CAMK1D: variants seen among roughly 807,000 people sequenced by gnomAD.
The protein encoded by CAMK1D is calcium/calmodulin-dependent protein kinase type 1D.
A neutral mutation model predicts 47.7 loss-of-function variants in CAMK1D; 9 were observed. That is an observed-to-expected ratio of 0.19 (90% CI 0.11 to 0.33). The LOEUF is 0.33. CAMK1D is among the 10% of genes least tolerant of loss of function. CAMK1D has a pLI of 1.00. For missense variants in CAMK1D, 291 were observed against 488.7 expected (o/e 0.60, Z 3.81); for synonymous variants, 184 against 184.9 (o/e 0.99, Z 0.04).
At chr10:12,398,553 T>A (rs11257769) in intron 1 of CAMK1D, among the ~76,000 whole-genome samples, 1 of 152,284 alleles carries the variant, frequency 6.6e-6, no homozygotes, top group East Asian at 1.9e-4. Context: ...TTCACCATGT[T>A]GGCCAGGCTG....
intron 1 of CAMK1D, among the ~76,000 whole-genome samples, chr10:12,476,063 G>T (rs1389963458): frequency 1.3e-5 from 2 of 152,074 alleles, no homozygotes; most frequent in African/African-American, 2.4e-5. Flanking sequence ...GAGGCCGAGG[G>T]GGGGCGGATC....
chr10:12,804,937 CAAAAAAAAAAAA>C (rs145584740), intron 6 of CAMK1D, among the ~76,000 whole-genome samples: 1 of 51,056 alleles, frequency 2.0e-5, no homozygotes, highest in Non-Finnish European at 3.2e-5. Flanking sequence ...GACCCTGTCT[CAAAAAAAAAAAA>C]AAAAAAAAAA....
chr10:12,715,484 A>C (rs553000665), intron 3 of CAMK1D, among the ~76,000 whole-genome samples: 1 of 152,368 alleles, frequency 6.6e-6, no homozygotes, highest in South Asian at 2.1e-4. Context: ...CTGTAGATGG[A>C]TACAGCCATT....
rs754883769 is a variant in CAMK1D at position 12,769,660 on chromosome 10, A to G, written c.439-13A>G. 1.2e-5 allele frequency: 20 copies of G among 1,612,298 alleles called. No individual in the cohort carries two copies. In the Admixed American group the frequency reaches 1.7e-4, roughly 14 times the overall value. On this transcript the variant is annotated splice_polypyrimidine_tract_variant and intron_variant, in intron 4 of 10. Coordinates refer to ENST00000619168, the MANE Select transcript of CAMK1D (RefSeq NM_153498.4). Reference sequence around the variant, plus strand: ...ACGTAGTTTGTAATGTTTTTTTCTTATTTTCTTTCTAGCCCGAAAATCTCT... The same window carrying G: ...ACGTAGTTTGTAATGTTTTTTTCTTGTTTTCTTTCTAGCCCGAAAATCTCT...
chr10:12,687,924 A>C (rs995082714), intron 3 of CAMK1D, among the ~76,000 whole-genome samples: 3 of 152,204 alleles, frequency 2.0e-5, no homozygotes, highest in African/African-American at 7.2e-5. Context: ...GCCCAAGAAC[A>C]GCATGTTTCA....
At chr10:12,491,983 C>T (rs1834397952) in intron 1 of CAMK1D, among the ~76,000 whole-genome samples, 1 of 152,156 alleles carries the variant, frequency 6.6e-6, no homozygotes, top group Non-Finnish European at 1.5e-5. Flanking sequence ...TGGGGTTTCA[C>T]CATGTTGGCC....
At chr10:12,759,314 A>G (rs972630477) in intron 3 of CAMK1D, among the ~76,000 whole-genome samples, 3 of 152,206 alleles carry the variant, frequency 2.0e-5, no homozygotes, top group Non-Finnish European at 4.4e-5. Flanking sequence ...TGATCATGCC[A>G]CTGCATTCCA....
chr10:12,674,682 T>A (rs1424463763), intron 3 of CAMK1D, among the ~76,000 whole-genome samples: 1 of 139,118 alleles, frequency 7.2e-6, no homozygotes, highest in Non-Finnish European at 1.5e-5. Context: ...TAGGGAGAAG[T>A]GATAGATGGA....
intron 2 of CAMK1D, among the ~76,000 whole-genome samples, chr10:12,615,572 T>TGC (rs1838762963): frequency 5.2e-5 from 1 of 19,316 alleles, no homozygotes; most frequent in African/African-American, 8.3e-5. Flanking sequence ...ATATCGTGTG[T>TGC]GTGCGTGTGT....
intron 1 of CAMK1D, among the ~76,000 whole-genome samples, chr10:12,391,515 C>CG (rs200465665): frequency 6.8e-6 from 1 of 147,774 alleles, no homozygotes; most frequent in Non-Finnish European, 1.5e-5. Context: ...TCATGCTGAC[C>CG]GTTTTTTTTA....
At position 12,714,431 on chromosome 10, in the gene CAMK1D, T is replaced by C. The variant is rs927990180; in HGVS notation, c.300-46517T>C. Among the ~76,000 whole-genome samples the C allele has an allele frequency of 1.2e-4, 18 of 152,018 alleles. No individual in the cohort carries two copies. The South Asian group carries it at 3.5e-3, about 30-fold the overall frequency. On this transcript the variant is annotated intron_variant, in intron 3 of 10. Coordinates refer to ENST00000619168, the MANE Select transcript of CAMK1D (RefSeq NM_153498.4). ...GTATATTTATATATTTATAAATAGG[T>C]GCATTAAGGCCAGGTGCGGTGGCTC...
At chr10:12,798,196 A>G (rs72773660) in intron 6 of CAMK1D, among the ~76,000 whole-genome samples, 7,324 of 152,276 alleles carry the variant, frequency 0.048, 200 homozygotes, top group Non-Finnish European at 0.06. Flanking sequence ...TCTTATTTTC[A>G]TCTTAACCCC....
intron 2 of CAMK1D, among the ~76,000 whole-genome samples, chr10:12,604,603 A>G (rs991870169): frequency 6.6e-6 from 1 of 152,118 alleles, no homozygotes; most frequent in South Asian, 2.1e-4. Context: ...CATTCCCAAG[A>G]ATAGTATTAA....
intron 8 of CAMK1D, among the ~76,000 whole-genome samples, chr10:12,823,312 C>G (rs1833080759): frequency 2.0e-5 from 3 of 152,152 alleles, no homozygotes; most frequent in African/African-American, 7.2e-5. Context: ...CTGCAAGATT[C>G]ATGAAACTCT....
At position 12,513,673 on chromosome 10, in the gene CAMK1D, C is replaced by T. The variant is rs1007836601; in HGVS notation, c.93-39552C>T. On this transcript the variant is annotated intron_variant, in intron 1 of 10. Transcript: ENST00000619168. ...AAAATGAGCCAGGTGTGGTGGCATGCATCTGTAGCCCCAGCTACTCGGGAG... is the reference window on the plus strand; with the variant it reads ...AAAATGAGCCAGGTGTGGTGGCATGTATCTGTAGCCCCAGCTACTCGGGAG... 3.9e-5 allele frequency among the ~76,000 whole-genome samples: 6 copies of T among 152,180 alleles called. No homozygotes were observed. In the South Asian group the frequency reaches 1.2e-3, roughly 32 times the overall value.
Position 12,817,517 on chromosome 10 carries a change from G to A in CAMK1D, c.833+1189G>A, listed in dbSNP as rs546416484. Among the ~76,000 whole-genome samples the A allele has an allele frequency of 1.6e-4, 25 of 152,252 alleles. No homozygotes were observed. The South Asian group carries it at 1.7e-3, about 10-fold the overall frequency. ...ACCAGCTTCACTATCAGCTAGCTGCGATGCTAGGTTTACACTTGACTTTTG... is the reference window on the plus strand; with the variant it reads ...ACCAGCTTCACTATCAGCTAGCTGCAATGCTAGGTTTACACTTGACTTTTG... On this transcript the variant is annotated intron_variant, in intron 8 of 10. Transcript: ENST00000619168.
intron 3 of CAMK1D, among the ~76,000 whole-genome samples, chr10:12,690,104 A>G (rs1002277823): frequency 6.6e-6 from 1 of 151,962 alleles, no homozygotes; most frequent in Non-Finnish European, 1.5e-5. Flanking sequence ...TTTCTCTTCC[A>G]TCTCCGTGTG....
At chr10:12,563,690 AGAGAGAGAGG>A (rs796928580) in intron 2 of CAMK1D, among the ~76,000 whole-genome samples, 4,299 of 71,898 alleles carry the variant, frequency 0.06, 183 homozygotes, top group African/African-American at 0.14. Context: ...AGAGAGAGAG[AGAGAGAGAGG>A]GAGAGAGAGG....
intron 2 of CAMK1D, among the ~76,000 whole-genome samples, chr10:12,644,449 A>C (rs1236173546): frequency 1.3e-5 from 2 of 152,186 alleles, no homozygotes; most frequent in African/African-American, 4.8e-5. Context: ...CATCAAAATT[A>C]ATCTTTCCTT....
Sources: allele counts gnomAD v4.1 joint callset (sites outside exome capture counted in the v4.1 genomes callset), GRCh38; gene constraint gnomAD v4.1.1; transcripts MANE v1.5; gene names NCBI Gene and HGNC (gene_info 2026-07-23, HGNC 2026-07-21).